KRT34: variants seen among roughly 807,000 people sequenced by gnomAD.
The protein encoded by KRT34 is keratin 34, also known as keratin, type I cuticular Ha4.
Under a neutral mutation model 41.7 loss-of-function variants are expected in KRT34, and 31 were observed. The ratio of observed to expected loss-of-function variants is 0.74; its 90% confidence interval spans 0.56 to 1.00. The LOEUF (loss-of-function observed/expected upper bound fraction) is 1.00. Ranked by LOEUF, KRT34 falls within the 50% of genes least tolerant of loss-of-function variation. KRT34 has a pLI of 0.00. For synonymous variants in KRT34, 224 were observed against 212.9 expected (o/e 1.05, Z -0.45); for missense variants, 523 against 500.3 (o/e 1.05, Z -0.43).
In KRT34 at chr17:41,381,117, A is replaced by AT. The variant is rs1318897375; in HGVS notation, c.526_527insA (p.Leu176HisfsTer20). The AT allele has an allele frequency of 1.2e-6, 2 of 1,614,120 alleles. No individual in the cohort carries two copies. The highest frequency in any genetic ancestry group is 4.5e-5 in the East Asian group (2 of 44,872). ...CCTCAGGGACTCCACCTGGGACTCC[A>AT]GGTCAGACTTGCAGAGGGTCAGCTC... On this transcript the variant is annotated frameshift_variant, in exon 3 of 7. Coordinates refer to ENST00000394001, the MANE Select transcript of KRT34 (RefSeq NM_001386014.1). LOFTEE classifies it high-confidence loss of function.
chr17:41,382,816 T>A (rs1465750894), upstream of KRT34, among the ~76,000 whole-genome samples: 2 of 152,204 alleles, frequency 1.3e-5, no homozygotes, highest in Admixed American at 6.5e-5. Context: ...TCCTGAGCCT[T>A]ACTATTCGTT....
At chr17:41,378,859 T>G in intron 6 of KRT34, 97 bp downstream of exon 6, 1 of 1,503,290 alleles carries the variant, frequency 6.7e-7, no homozygotes. Flanking sequence ...ACAGTTAATG[T>G]GTGTTGCCTG....
At chr17:41,378,850 C>G in intron 6 of KRT34, 106 bp downstream of exon 6, 7 of 1,457,142 alleles carry the variant, frequency 4.8e-6, no homozygotes, top group Non-Finnish European at 6.7e-6. Flanking sequence ...ACATGCTACA[C>G]AGTTAATGTG....
In KRT34 at chr17:41,378,166, T is replaced by C. The variant is rs2144320001; in HGVS notation, c.1098-20A>G. ...GGGAGCCTAGGAGGACAAGGAGGTT[T>C]AGAATGGCTTTAGGAGGAGGTTTTA... is the stretch of plus-strand genomic sequence containing the variant. On this transcript the variant is annotated intron_variant, in intron 6 of 6. Coordinates refer to ENST00000394001, the MANE Select transcript of KRT34 (RefSeq NM_001386014.1). 6.4e-7 allele frequency: 1 copy of C among 1,572,256 alleles called. No homozygotes were observed. The highest frequency in any genetic ancestry group is 8.8e-7 in the Non-Finnish European group (1 of 1,142,384).
chr17:41,380,459 C>G (rs2144328693), intron 3 of KRT34, among the ~76,000 whole-genome samples: 1 of 152,314 alleles, frequency 6.6e-6, no homozygotes, highest in East Asian at 1.9e-4. Flanking sequence ...TCACTTTCAT[C>G]CCTTGGAGGT....
At chr17:41,381,674 G>T (rs200621003) in intron 2 of KRT34, 39 bp downstream of exon 2, 385 of 1,552,684 alleles carry the variant, frequency 2.5e-4, no homozygotes, top group Non-Finnish European at 3.3e-4. Flanking sequence ...GGTCCCTAGG[G>T]CCATGAAAGA....
chr17:41,382,082 G>A lies in KRT34; in HGVS notation c.165C>T (p.Ser55=), dbSNP rs758708346. Residue 55 remains serine, a synonymous_variant, in exon 1 of 7, where the codon AGC becomes AGT. Coordinates refer to ENST00000394001, the MANE Select transcript of KRT34 (RefSeq NM_001386014.1). ...TCAGGAACTGCATAGTCTCCTTCTC[G>A]CTGCCATTGAAGGAGCCCTCACAGA... The part of the protein sequence containing the change: ...NWFCEGSFNG[S]EKETMQFLND... 1.8e-5 allele frequency: 29 copies of A among 1,612,902 alleles called. No individual in the cohort carries two copies. Among genetic ancestry groups the A allele is most frequent in the Admixed American group, 3.3e-5 (2 of 60,016 alleles).
Position 41,381,885 on chromosome 17 carries a change from G to A in KRT34, c.348+14C>T, listed in dbSNP as rs1017411589. The A allele has an allele frequency of 6.2e-7, 1 of 1,613,462 alleles. No individual in the cohort carries two copies. Among genetic ancestry groups the A allele is most frequent in the East Asian group, 2.2e-5 (1 of 44,860 alleles). Reference sequence around the variant, plus strand: ...CCAGCTGCTGCTGGCCCCCCATATGGCCAACCCCCTCACCTTCTGCTGGAG... The same window carrying A: ...CCAGCTGCTGCTGGCCCCCCATATGACCAACCCCCTCACCTTCTGCTGGAG... On this transcript the variant is annotated intron_variant, in intron 1 of 6. Coordinates refer to ENST00000394001, the MANE Select transcript of KRT34 (RefSeq NM_001386014.1).
At position 41,379,410 on chromosome 17, in the gene KRT34, G is replaced by A. The variant is rs746019485; in HGVS notation, c.819C>T (p.Ile273=). The A allele has an allele frequency of 1.6e-5, 26 of 1,613,780 alleles. No homozygotes were observed. The East Asian group carries it at 1.8e-4, about 11-fold the overall frequency. The change falls in exon 5 of 7, where the codon ATC becomes ATT. Residue 273 remains isoleucine (I), a synonymous_variant. Coordinates refer to ENST00000394001, the MANE Select transcript of KRT34 (RefSeq NM_001386014.1). ...GGGCGTTGACTGTGCGTCTCAGCTC[G>A]ATGATCTCCGCCTGGCAGGACTGCA... ...EQLQSCQAEI[I]ELRRTVNALE... is the part of the protein sequence containing the mutation.
chr17:41,379,156 C>A lies in KRT34; in HGVS notation c.897G>T (p.Thr299=). ...TGTAGTGGGCCTCGCTCTCCGTCAG[C>A]GTGTTTTCCAGAGAGTCTCGCTGTG... ...QHNLRDSLEN[T]LTESEAHYSS... The change falls in exon 6 of 7, where the codon ACG becomes ACT. Residue 299 remains threonine, a synonymous_variant. Transcript: ENST00000394001. The A allele has an allele frequency of 6.2e-7, 1 of 1,614,216 alleles. No individual in the cohort carries two copies. The highest frequency in any genetic ancestry group is 8.5e-7 in the Non-Finnish European group (1 of 1,180,030).
chr17:41,378,271 G>A lies in KRT34; in HGVS notation c.1098-125C>T, dbSNP rs1257002094. Reference sequence around the variant, plus strand: ...AGTTAGTTGGAATCAAGTTCTTTTTGTTTTGTTTTGTTTTGTTTTTGAGAC... The same window carrying A: ...AGTTAGTTGGAATCAAGTTCTTTTTATTTTGTTTTGTTTTGTTTTTGAGAC... On this transcript the variant is annotated intron_variant, in intron 6 of 6. Coordinates refer to ENST00000394001, the MANE Select transcript of KRT34 (RefSeq NM_001386014.1). 8 of 682,282 alleles carry A rather than the reference G, an allele frequency of 1.2e-5. No individual in the cohort carries two copies. In the South Asian group the frequency reaches 1.2e-4, roughly 10 times the overall value. 42.3% of individuals were successfully genotyped at this position (682,282 alleles called of 1,614,324 possible).
intron 3 of KRT34, 89 bp from the exon 4 acceptor site, chr17:41,379,820 G>C: frequency 7.5e-7 from 1 of 1,331,956 alleles, no homozygotes. Flanking sequence ...TGCCCAAAAA[G>C]CACTAAAAGG....
rs150738879 is a variant in KRT34 at position 41,379,698 on chromosome 17, G to A, written c.622C>T (p.Arg208Cys). 5.0e-4 allele frequency: 806 copies of A among 1,612,518 alleles called. No homozygotes were observed. The highest frequency in any genetic ancestry group is 9.9e-4 in the Admixed American group (59 of 59,662). Residue 208 changes from arginine to cysteine, a missense_variant, in exon 4 of 7, where the codon CGC (arginine) becomes TGC (cysteine). Coordinates refer to ENST00000394001, the MANE Select transcript of KRT34 (RefSeq NM_001386014.1). ...GCAGTGTCCACCTCCACGTTGAGGCGGTCTCCAAGCTGGGAGCGCAGGGTG... is the reference window on the plus strand; with the variant it reads ...GCAGTGTCCACCTCCACGTTGAGGCAGTCTCCAAGCTGGGAGCGCAGGGTG... ...VNTLRSQLGDRLNVEVDTAPT... is the reference protein window; with the variant it reads ...VNTLRSQLGDCLNVEVDTAPT...
chr17:41,379,852 G>A, intron 3 of KRT34, 121 bp from the exon 4 acceptor site: 1 of 1,045,314 alleles, frequency 9.6e-7, no homozygotes, highest in Non-Finnish European at 1.4e-6. Context: ...CATTCCCAAA[G>A]AGTGACACAC....
Position 41,379,526 on chromosome 17 carries a change from T to C in KRT34, c.750+44A>G, listed in dbSNP as rs369951520. The C allele has an allele frequency of 3.1e-6, 5 of 1,613,880 alleles. No homozygotes were observed. The African/African-American group carries it at 5.3e-5, about 17-fold the overall frequency. On this transcript the variant is annotated intron_variant, in intron 4 of 6. Coordinates refer to ENST00000394001, the MANE Select transcript of KRT34 (RefSeq NM_001386014.1). ...GGATCAGACCCTGTCTCCAGGGCCC[T>C]GGGGCACCTCGGGTCCTGAGTGGCC...
Position 41,381,126 on chromosome 17 carries a change from T to A in KRT34, c.518A>T (p.Lys173Met), listed in dbSNP as rs1186650103. 18 of 1,614,052 alleles carry A rather than the reference T, an allele frequency of 1.1e-5. No homozygotes were observed. In the Admixed American group the frequency reaches 3.0e-4, roughly 27 times the overall value. Reference protein sequence around the residue: ...RRILDELTLCKSDLESQVESL... With the variant: ...RRILDELTLCMSDLESQVESL... Reference sequence around the variant, plus strand: ...CTCCACCTGGGACTCCAGGTCAGACTTGCAGAGGGTCAGCTCATCCAGGAT... The same window carrying A: ...CTCCACCTGGGACTCCAGGTCAGACATGCAGAGGGTCAGCTCATCCAGGAT... The change falls in exon 3 of 7, where the codon AAG (lysine) becomes ATG (methionine). Residue 173 changes from lysine to methionine, a missense_variant. Lys to Met is a moderately conservative substitution (Grantham distance 95, BLOSUM62 -1). Transcript: ENST00000394001.
At chr17:41,378,771 G>A (rs2017902196) in intron 6 of KRT34, among the ~76,000 whole-genome samples, 185 bp downstream of exon 6, 1 of 152,158 alleles carries the variant, frequency 6.6e-6, no homozygotes, top group African/African-American at 2.4e-5. Context: ...TCCATTGTTA[G>A]CCCCCTGAGA....
At position 41,379,012 on chromosome 17, in the gene KRT34, G is replaced by C. The variant is rs1489218994; in HGVS notation, c.1041C>G (p.Ala347=). The part of the protein sequence containing the change: ...QEYQVLLDVR[A]RLECEINTYR... ...ACGTGTTGATCTCACACTCCAGCCG[G>C]GCACGCACGTCCAGCAGCACCTGGT... is the stretch of plus-strand genomic sequence containing the variant. The change falls in exon 6 of 7, where the codon GCC becomes GCG. Residue 347 remains alanine, a synonymous_variant. Transcript: ENST00000394001. 3 of 1,613,458 alleles carry C rather than the reference G, an allele frequency of 1.9e-6. No homozygotes were observed. The South Asian group carries it at 3.3e-5, about 18-fold the overall frequency.
In KRT34 at chr17:41,379,087, C is replaced by T; in HGVS notation, c.966G>A (p.Glu322=). The change falls in exon 6 of 7, where the codon GAG becomes GAA. Residue 322 remains glutamate, a synonymous_variant. Transcript: ENST00000394001. ...SQVQSLITNV[E]SQLAEIRCDL... The stretch of plus-strand genomic sequence containing the variant: ...CACAGCGGATCTCTGCCAGCTGAGA[C>T]TCCACGTTGGTGATCAGGCTCTGCA... 1 of 1,614,236 alleles carries T rather than the reference C, an allele frequency of 6.2e-7. No individual in the cohort carries two copies. The highest frequency in any genetic ancestry group is 8.5e-7 in the Non-Finnish European group (1 of 1,180,046).
Sources: allele counts gnomAD v4.1 joint callset (sites outside exome capture counted in the v4.1 genomes callset), GRCh38; gene constraint gnomAD v4.1.1; transcripts MANE v1.5; gene names NCBI Gene and HGNC (gene_info 2026-07-23, HGNC 2026-07-21).